NCS1: variants seen among roughly 807,000 people sequenced by gnomAD.
NCS1 encodes the protein frequenin homolog.
A neutral mutation model predicts 28.4 loss-of-function variants in NCS1; 6 were observed. The observed-to-expected ratio is 0.21, with a 90% confidence interval of 0.12 to 0.42. The LOEUF is 0.42. Among genes scored for constraint, NCS1 ranks in the 10% least tolerant of loss-of-function variants. The probability of loss-of-function intolerance (pLI) is 1.00; values close to 1 mark genes in which losing one functional copy is unlikely to be tolerated. For synonymous variants in NCS1, 86 were observed against 99.3 expected, an observed-to-expected ratio of 0.87 and a Z score of 0.79; for missense variants, 131 against 241.4, an observed-to-expected ratio of 0.54 and a Z score of 3.03.
intron 1 of NCS1, among the ~76,000 whole-genome samples, chr9:130,190,251 A>G (rs1832800462): frequency 6.6e-6 from 1 of 152,190 alleles, no homozygotes; most frequent in Non-Finnish European, 1.5e-5. Flanking sequence ...CAACTTAGGC[A>G]GACATAGATC....
intron 7 of NCS1, among the ~76,000 whole-genome samples, chr9:130,227,286 C>T (rs1294238137): frequency 6.6e-6 from 1 of 152,128 alleles, no homozygotes; most frequent in Admixed American, 6.5e-5. Flanking sequence ...TTTTTCCTGC[C>T]TCTTCTTTGT....
chr9:130,227,917 G>A (rs570869067), intron 7 of NCS1, among the ~76,000 whole-genome samples: 35 of 152,234 alleles, frequency 2.3e-4, no homozygotes, highest in South Asian at 6.2e-4. Flanking sequence ...TCTCAGTCCC[G>A]GGAAAATTGG....
intron 2 of NCS1, among the ~76,000 whole-genome samples, chr9:130,208,218 G>A (rs1242694262): frequency 1.8e-5 from 2 of 109,384 alleles, no homozygotes; most frequent in East Asian, 3.2e-4. Flanking sequence ...TCGTGGGTGT[G>A]TGAGGTGGGG....
intron 1 of NCS1, among the ~76,000 whole-genome samples, chr9:130,176,285 T>C (rs1832570945): frequency 6.6e-6 from 1 of 151,060 alleles, no homozygotes; most frequent in African/African-American, 2.4e-5. Flanking sequence ...CTTGACCTCC[T>C]GGGTCCAAGC....
At chr9:130,222,006 A>ATC (rs781977747) in intron 4 of NCS1, among the ~76,000 whole-genome samples, 2 of 79,912 alleles carry the variant, frequency 2.5e-5, no homozygotes, top group South Asian at 2.9e-4. Context: ...TAAATTATGT[A>ATC]TATAAATATA....
At chr9:130,199,897 GTTCATTCA>G (rs71499223) in intron 1 of NCS1, among the ~76,000 whole-genome samples, 190 of 150,624 alleles carry the variant, frequency 1.3e-3, no homozygotes, top group Non-Finnish European at 2.3e-3. Flanking sequence ...CTGTTCATGT[GTTCATTCA>G]TTCATTCATT....
chr9:130,218,835 C>T (rs1354906824), intron 3 of NCS1, among the ~76,000 whole-genome samples: 1 of 152,154 alleles, frequency 6.6e-6, no homozygotes, highest in Non-Finnish European at 1.5e-5. Context: ...AGATGATCCA[C>T]CCACCTTGGT....
chr9:130,207,175 C>T (rs1833035098), intron 2 of NCS1, among the ~76,000 whole-genome samples: 2 of 152,244 alleles, frequency 1.3e-5, no homozygotes, highest in Admixed American at 6.5e-5. Flanking sequence ...CTCGGCCTCA[C>T]TGGGCTGCTG....
intron 1 of NCS1, among the ~76,000 whole-genome samples, chr9:130,196,477 G>A (rs782702955): frequency 2.0e-5 from 3 of 152,196 alleles, no homozygotes; most frequent in East Asian, 1.9e-4. Context: ...GGCGTCTCAC[G>A]CCTGTAACCC....
At chr9:130,221,411 T>TAG (rs1833296835) in intron 4 of NCS1, among the ~76,000 whole-genome samples, 6 of 51,990 alleles carry the variant, frequency 1.2e-4, no homozygotes, top group Non-Finnish European at 2.0e-4. Flanking sequence ...TATATATATA[T>TAG]ATAGAGAGAG....
At chr9:130,213,822 G>A (rs900123764) in intron 2 of NCS1, among the ~76,000 whole-genome samples, 3 of 151,992 alleles carry the variant, frequency 2.0e-5, no homozygotes, top group African/African-American at 4.8e-5. Context: ...CAAATGATCC[G>A]CCCACCTCTG....
intron 1 of NCS1, among the ~76,000 whole-genome samples, chr9:130,194,549 G>C (rs1324573657): frequency 6.6e-6 from 1 of 152,196 alleles, no homozygotes; most frequent in African/African-American, 2.4e-5. Context: ...TGTCGGCTCT[G>C]ATTTCTCCAT....
rs1306327077 is a variant in NCS1 at position 130,191,621 on chromosome 9, C to T, written c.65-9337C>T. Among the ~76,000 whole-genome samples, 1 of 152,176 alleles carries T rather than the reference C, an allele frequency of 6.6e-6. No individual in the cohort carries two copies. Among genetic ancestry groups the T allele is most frequent in the Non-Finnish European group, 1.5e-5 (1 of 68,036 alleles). On this transcript the variant is annotated intron_variant, in intron 1 of 7. Transcript: ENST00000372398. This position sits in a 1 kb window ranked among gnomAD's most constrained non-coding sequence, Gnocchi z 6.4. ...CAGGTGCCTCATCCTGAGACAGATA[C>T]AGCAACAGCCCATGGCCCCCTGGGC...
rs1554905685 is a variant in NCS1, at chr9:130,186,915, G to T, written c.65-14043G>T. Among the ~76,000 whole-genome samples, 1 of 152,254 alleles carries T rather than the reference G, an allele frequency of 6.6e-6. No homozygotes were observed. Among genetic ancestry groups the T allele is most frequent in the African/African-American group, 2.4e-5 (1 of 41,460 alleles). On this transcript the variant is annotated intron_variant, in intron 1 of 7. Transcript: ENST00000372398. This position sits in a 1 kb window ranked among gnomAD's most constrained non-coding sequence, Gnocchi z 4.1. ...ACGAGGGGCACTGACGAGCGATTGAGCAGCTCAGAGGTGAGCTTATGTGGC... is the reference window on the plus strand; with the variant it reads ...ACGAGGGGCACTGACGAGCGATTGATCAGCTCAGAGGTGAGCTTATGTGGC...
At chr9:130,178,984 G>A (rs1210013066) in intron 1 of NCS1, among the ~76,000 whole-genome samples, 2 of 142,414 alleles carry the variant, frequency 1.4e-5, no homozygotes, top group Non-Finnish European at 3.0e-5. Flanking sequence ...ACCCAGGCTG[G>A]AGTACGGTGG....
At chr9:130,227,988 C>T (rs1019615866) in intron 7 of NCS1, among the ~76,000 whole-genome samples, 15 of 151,878 alleles carry the variant, frequency 9.9e-5, no homozygotes, top group Admixed American at 8.5e-4. Flanking sequence ...TGGTGATGAC[C>T]TGCTTCCAAG....
At chr9:130,183,779 C>A (rs1330316772) in intron 1 of NCS1, among the ~76,000 whole-genome samples, 2 of 141,946 alleles carry the variant, frequency 1.4e-5, no homozygotes, top group East Asian at 2.1e-4. Context: ...TCCTTCCTTC[C>A]TTTTCTTTTC....
intron 2 of NCS1, among the ~76,000 whole-genome samples, chr9:130,204,932 A>G (rs1289687566): frequency 6.6e-6 from 1 of 152,088 alleles, no homozygotes; most frequent in Non-Finnish European, 1.5e-5. Context: ...TCAAGCAGCA[A>G]TAGAGCGTGC....
At position 130,181,100 on chromosome 9, in the gene NCS1, T is replaced by C. The variant is rs1048275939; in HGVS notation, c.64+8373T>C. Among the ~76,000 whole-genome samples the C allele has an allele frequency of 1.7e-4, 26 of 152,140 alleles. No homozygotes were observed. The highest frequency in any genetic ancestry group is 2.9e-4 in the Non-Finnish European group (20 of 68,028). On this transcript the variant is annotated intron_variant, in intron 1 of 7. Transcript: ENST00000372398. The surrounding 1 kb of genome is among the most constrained non-coding windows in gnomAD (Gnocchi z 5.0). ...GGACTCAGTTTCCCTTTCTGTACCA[T>C]GTTCAAATTCCCAGATAGTGAGACC... is the stretch of plus-strand genomic sequence containing the variant.
Sources: gnomAD v4.1 joint callset for allele counts (sites outside exome capture counted in the v4.1 genomes callset) on GRCh38, gnomAD v4.1.1 for gene constraint, Gnocchi (gnomAD v3.1) non-coding constraint, MANE v1.5 for transcripts, NCBI Gene and HGNC (gene_info 2026-07-23, HGNC 2026-07-21) for gene names.